The following MYO10 variants were observed in gnomAD, a reference collection of about 807,000 sequenced individuals.
The protein encoded by MYO10 is myosin X, also known as unconventional myosin-X.
A neutral mutation model predicts 257.3 loss-of-function variants in MYO10; 133 were observed. The observed-to-expected ratio is 0.52, with a 90% CI of 0.45 to 0.60. The LOEUF (loss-of-function observed/expected upper bound fraction) is 0.60, where lower values mean the gene tolerates loss of function less well. Ranked by LOEUF, MYO10 falls within the 20% of genes least tolerant of loss-of-function variation. MYO10 has a pLI of 0.00. For missense variants in MYO10, 2,399 were observed against 2,635.7 expected (o/e 0.91, Z 1.97); for synonymous variants, 1,104 against 1,028.6 (o/e 1.07, Z -1.40).
chr5:16,703,971 G>T (rs73051041), intron 22 of MYO10, among the ~76,000 whole-genome samples: 1,769 of 151,016 alleles, frequency 0.012, 36 homozygotes, highest in African/African-American at 0.04. Flanking sequence ...TAACACCAAG[G>T]TGAACAGCCA....
rs1056474733 is a variant in MYO10 at position 16,928,107 on chromosome 5, C to G, written c.21+7681G>C. ...TAACACTTCACTAATTAATTGACAG[C>G]TGGAATTAGGGAAACAAATGAGTCC... is the stretch of plus-strand genomic sequence containing the variant. On this transcript the variant is annotated intron_variant, in intron 1 of 40. Coordinates refer to ENST00000513610, the MANE Select transcript of MYO10 (RefSeq NM_012334.3). Among the ~76,000 whole-genome samples, 12 of 152,312 alleles carry G rather than the reference C, an allele frequency of 7.9e-5. No homozygotes were observed. The South Asian group carries it at 2.3e-3, about 29-fold the overall frequency.
chr5:16,771,148 T>C (rs1741036740), intron 9 of MYO10, among the ~76,000 whole-genome samples: 1 of 152,128 alleles, frequency 6.6e-6, no homozygotes, highest in Non-Finnish European at 1.5e-5. Context: ...AATTAAAAGA[T>C]CCACTGACAT....
intron 30 of MYO10, among the ~76,000 whole-genome samples, chr5:16,682,524 C>G (rs1470191262): frequency 2.0e-5 from 3 of 152,180 alleles, no homozygotes; most frequent in Non-Finnish European, 4.4e-5. Context: ...GGGTGCATTT[C>G]CTAGTCACGG....
chr5:16,771,516 C>A (rs1741047283), intron 9 of MYO10, among the ~76,000 whole-genome samples: 1 of 149,728 alleles, frequency 6.7e-6, no homozygotes, highest in Non-Finnish European at 1.5e-5. Context: ...TCTGGCCCAA[C>A]TGACCCAAAT....
chr5:16,846,867 C>G (rs1365798993), intron 2 of MYO10, among the ~76,000 whole-genome samples: 2 of 152,214 alleles, frequency 1.3e-5, no homozygotes, highest in Non-Finnish European at 2.9e-5. Context: ...CCTGTAATCC[C>G]AGCACTTTGG....
rs1243096794 is a variant in MYO10, at chr5:16,664,177, A to C, written c.*2515T>G. On this transcript the variant is annotated 3_prime_UTR_variant, in exon 41 of 41. Transcript: ENST00000513610. ...TCTGAGTCTGTAATTATTTCTAAAT[A>C]AAAGGCTAAAACAAAACCACAACTA... 1.3e-5 allele frequency: 2 copies of C among 152,310 alleles called. No individual in the cohort carries two copies. Among genetic ancestry groups the C allele is most frequent in the East Asian group, 3.9e-4 (2 of 5,186 alleles). 9.4% of individuals were successfully genotyped at this position (152,310 alleles called of 1,614,324 possible).
chr5:16,821,050 T>C (rs891823165), intron 2 of MYO10, among the ~76,000 whole-genome samples: 4 of 147,462 alleles, frequency 2.7e-5, no homozygotes, highest in Non-Finnish European at 4.5e-5. Flanking sequence ...TATATACATA[T>C]ATGTATAATA....
intron 36 of MYO10, among the ~76,000 whole-genome samples, chr5:16,673,191 G>GTT (rs70940397): frequency 0.021 from 2,700 of 129,714 alleles, 84 homozygotes; most frequent in African/African-American, 0.071. Flanking sequence ...TCCAGATGAC[G>GTT]TTTTTTTTTT....
intron 2 of MYO10, among the ~76,000 whole-genome samples, chr5:16,850,969 A>AT (rs1451174992): frequency 6.6e-6 from 1 of 151,376 alleles, no homozygotes; most frequent in Non-Finnish European, 1.5e-5. Context: ...TCATTTTTGT[A>AT]TTTTTTCTTT....
rs532725969 is a variant in MYO10, at chr5:16,667,158, C to A, written c.6076-365G>T. On this transcript the variant is annotated intron_variant, in intron 40 of 40. Coordinates refer to ENST00000513610, the MANE Select transcript of MYO10 (RefSeq NM_012334.3). The stretch of plus-strand genomic sequence containing the variant: ...TAAAATAAATGTGAAATGACAGAGT[C>A]CACAATTACAGCCTTTAAAGACTGG... Among the ~76,000 whole-genome samples, 26 of 152,292 alleles carry A rather than the reference C, an allele frequency of 1.7e-4. 1 individual carries two copies. In the South Asian group the frequency reaches 5.4e-3, roughly 32 times the overall value.
At chr5:16,775,362 T>C (rs984534496) in intron 9 of MYO10, among the ~76,000 whole-genome samples, 2 of 152,194 alleles carry the variant, frequency 1.3e-5, no homozygotes, top group African/African-American at 4.8e-5. Context: ...AAATTCTCAA[T>C]GAAATAAGCA....
chr5:16,685,738 C>T lies in MYO10; in HGVS notation c.3990G>A (p.Val1330=), dbSNP rs142612644. The change falls in exon 29 of 41, where the codon GTG becomes GTA. Residue 1330 remains valine (V), a splice_region_variant and synonymous_variant. Coordinates refer to ENST00000513610, the MANE Select transcript of MYO10 (RefSeq NM_012334.3). ...CCCATCCCACACAGTGCTCCCGTAC[C>T]ACAGCATTCTGTGGGTTTGCCTGCT... The part of the protein sequence containing the change: ...HDEQANPQNA[V]GTLDVGLIDS... 1,254 of 1,596,700 alleles carry T rather than the reference C, an allele frequency of 7.9e-4. 9 individuals carry two copies. In the African/African-American group the frequency reaches 0.015, roughly 19 times the overall value.
Position 16,781,796 on chromosome 5 carries a change from G to A in MYO10, c.636C>T (p.Thr212=), listed in dbSNP as rs779579710. ...AGCGACTAGAGTTGTTGTTGTACAC[G>A]GTCTTCGCATTGCCGAAAGCTTCCA... ...PIMEAFGNAK[T]VYNNNSSRFG... Residue 212 remains threonine, a synonymous_variant, in exon 6 of 41, where the codon ACC becomes ACT. Transcript: ENST00000513610. The A allele has an allele frequency of 8.7e-6, 14 of 1,613,940 alleles. No homozygotes were observed. The highest frequency in any genetic ancestry group is 5.0e-5 in the Admixed American group (3 of 60,014).
rs1237630297 is a variant in MYO10 at position 16,916,131 on chromosome 5, C to T, written c.21+19657G>A. 8.8e-6 allele frequency: 4 copies of T among 456,146 alleles called. No individual in the cohort carries two copies. In the Admixed American group the frequency reaches 9.4e-5, roughly 11 times the overall value. 28.3% of individuals were successfully genotyped at this position (456,146 alleles called of 1,614,324 possible). A position where few individuals can be genotyped will look rare whatever the true frequency, so the allele number is the denominator to read the frequency against. On this transcript the variant is annotated intron_variant, in intron 1 of 40. Transcript: ENST00000513610. ...CATCGCTGAAGTCTCATTACCGACC[C>T]ATCAAGCCCAGATTTCCACCATGAA...
chr5:16,928,274 A>T (rs1746191075), intron 1 of MYO10, among the ~76,000 whole-genome samples: 1 of 152,012 alleles, frequency 6.6e-6, no homozygotes, highest in African/African-American at 2.4e-5. Flanking sequence ...GGCTCACCGT[A>T]ATCTTCACCT....
At chr5:16,920,890 G>C (rs1683285468) in intron 1 of MYO10, among the ~76,000 whole-genome samples, 1 of 152,092 alleles carries the variant, frequency 6.6e-6, no homozygotes. Flanking sequence ...GGCTGAGGTG[G>C]GCGAATCACT....
In MYO10 at chr5:16,768,499, C is replaced by T. The variant is rs80322637; in HGVS notation, c.1060+575G>A. On this transcript the variant is annotated intron_variant, in intron 10 of 40. Coordinates refer to ENST00000513610, the MANE Select transcript of MYO10 (RefSeq NM_012334.3). ...CGATTCCTGGTTGCTCATATTTCCA[C>T]GTACTTGACTCATTTTCCTTCTTTT... Among the ~76,000 whole-genome samples, 213 of 152,146 alleles carry T rather than the reference C, an allele frequency of 1.4e-3. 1 individual carries two copies. The highest frequency in any genetic ancestry group is 0.01 in the Middle Eastern group (3 of 294).
chr5:16,683,807 C>A, intron 30 of MYO10, 73 bp downstream of exon 30: 2 of 1,489,926 alleles, frequency 1.3e-6, no homozygotes, highest in Non-Finnish European at 1.9e-6. Flanking sequence ...AGGGTCGTGA[C>A]CCAGCAGCAC....
chr5:16,775,899 A>G (rs1741196782), intron 9 of MYO10, among the ~76,000 whole-genome samples: 1 of 133,744 alleles, frequency 7.5e-6, no homozygotes, highest in Non-Finnish European at 1.6e-5. Context: ...TTCTTTTTCT[A>G]ATTTTTTTAT....
Sources: gnomAD v4.1 joint callset for allele counts (sites outside exome capture counted in the v4.1 genomes callset) on GRCh38, gnomAD v4.1.1 for gene constraint, MANE v1.5 for transcripts, NCBI Gene and HGNC (gene_info 2026-07-23, HGNC 2026-07-21) for gene names.